Variants in PDE6D observed in about 807,000 individuals in gnomAD.
The protein encoded by PDE6D is phosphodiesterase 6D.
PDE6D carries 10 observed loss-of-function variants against 21.9 expected under a neutral mutation model. The observed-to-expected ratio is 0.46, with a 90% CI of 0.28 to 0.78. The LOEUF (loss-of-function observed/expected upper bound fraction) is 0.78. Ranked by LOEUF, PDE6D falls within the 30% of genes least tolerant of loss-of-function variation. The pLI, the probability that PDE6D is intolerant of heterozygous loss-of-function variation, is 0.12. For missense variants in PDE6D, 139 were observed against 184.8 expected, an observed-to-expected ratio of 0.75 and a Z score of 1.44; for synonymous variants, 59 against 63.5, an observed-to-expected ratio of 0.93 and a Z score of 0.34.
Position 231,732,907 on chromosome 2 carries a change from C to T in PDE6D, c.*45G>A. The T allele has an allele frequency of 8.0e-7, 1 of 1,243,992 alleles. No individual in the cohort carries two copies. Among genetic ancestry groups the T allele is most frequent in the Non-Finnish European group, 1.2e-6 (1 of 848,728 alleles). The allele number at this position is 1,243,992 out of a possible 1,614,324, so 77.1% of individuals were successfully genotyped here. On this transcript the variant is annotated 3_prime_UTR_variant, in exon 5 of 5. Coordinates refer to ENST00000287600, the MANE Select transcript of PDE6D (RefSeq NM_002601.4). Reference sequence around the variant, plus strand: ...GGAAAAAAGTAAACAGTTTCCTCCTCCCTCCAAAAAACCCAAATTCTTGAA... The same window carrying T: ...GGAAAAAAGTAAACAGTTTCCTCCTTCCTCCAAAAAACCCAAATTCTTGAA...
chr2:231,755,919 T>TAA (rs1426452863), intron 1 of PDE6D, among the ~76,000 whole-genome samples: 10 of 129,650 alleles, frequency 7.7e-5, no homozygotes, highest in Non-Finnish European at 1.2e-4. Context: ...AAACTCCATC[T>TAA]CAAAAAAAAA....
At position 231,739,632 on chromosome 2, in the gene PDE6D, C is replaced by T. The variant is rs1559309962; in HGVS notation, c.51-444G>A. ...CTCTCAAATTGCTTTGTAGTGGCCC[C>T]CTCTGTTTTTTTTTTTTGAAACAGA... On this transcript the variant is annotated intron_variant, in intron 1 of 4. Transcript: ENST00000287600. This position sits in a 1 kb window ranked among gnomAD's most constrained non-coding sequence, Gnocchi z 4.2. 7.2e-6 allele frequency among the ~76,000 whole-genome samples: 1 copy of T among 138,902 alleles called. No individual in the cohort carries two copies. The highest frequency in any genetic ancestry group is 1.6e-5 in the Non-Finnish European group (1 of 64,374). The allele number at this position is 138,902 out of a possible 152,430, so 91.1% of individuals were successfully genotyped here.
intron 1 of PDE6D, among the ~76,000 whole-genome samples, chr2:231,776,321 C>G (rs1221533821): frequency 9.3e-5 from 5 of 54,052 alleles, no homozygotes; most frequent in Non-Finnish European, 1.8e-4. Flanking sequence ...GACTCCGTCT[C>G]AAAAAAAAAA....
At chr2:231,775,937 G>T (rs1189192674) in intron 1 of PDE6D, among the ~76,000 whole-genome samples, 1 of 152,104 alleles carries the variant, frequency 6.6e-6, no homozygotes, top group African/African-American at 2.4e-5. Context: ...ATGGAAGTCT[G>T]TCAGTTTCTT....
chr2:231,770,845 C>T (rs1044442487), intron 1 of PDE6D, among the ~76,000 whole-genome samples: 6 of 151,456 alleles, frequency 4.0e-5, no homozygotes, highest in Non-Finnish European at 7.4e-5. Context: ...CCCAGCTGCT[C>T]GGGAGACTGA....
chr2:231,763,505 G>A (rs2048947804), intron 1 of PDE6D, among the ~76,000 whole-genome samples: 1 of 151,982 alleles, frequency 6.6e-6, no homozygotes, highest in Non-Finnish European at 1.5e-5. Flanking sequence ...CCTGGTCTGT[G>A]AATCCATTTG....
chr2:231,774,423 T>G (rs890389259), intron 1 of PDE6D, among the ~76,000 whole-genome samples: 2 of 152,040 alleles, frequency 1.3e-5, no homozygotes, highest in African/African-American at 4.8e-5. Context: ...AGGCAGTAAG[T>G]CTAAACCTTG....
chr2:231,774,355 T>C (rs1413193254), intron 1 of PDE6D, among the ~76,000 whole-genome samples: 6 of 152,086 alleles, frequency 3.9e-5, no homozygotes, highest in Admixed American at 3.3e-4. Flanking sequence ...TCTGATAATA[T>C]GAGATACAGA....
rs1449992130 is a variant in PDE6D, at chr2:231,739,244, T to G, written c.51-56A>C. On this transcript the variant is annotated intron_variant, in intron 1 of 4. Coordinates refer to ENST00000287600, the MANE Select transcript of PDE6D (RefSeq NM_002601.4). This position sits in a 1 kb window ranked among gnomAD's most constrained non-coding sequence, Gnocchi z 4.2. ...CACTGAAAGTGACTCCCACTTTGTATTCTAGGTGTCTCATGTTTACTCCCA... is the reference window on the plus strand; with the variant it reads ...CACTGAAAGTGACTCCCACTTTGTAGTCTAGGTGTCTCATGTTTACTCCCA... The G allele has an allele frequency of 1.9e-6, 2 of 1,069,308 alleles. No homozygotes were observed. Among genetic ancestry groups the G allele is most frequent in the Middle Eastern group, 2.0e-4 (1 of 5,002 alleles). 66.2% of individuals were successfully genotyped at this position (1,069,308 alleles called of 1,614,324 possible).
At chr2:231,778,047 C>T (rs2106290441) in intron 1 of PDE6D, among the ~76,000 whole-genome samples, 1 of 152,314 alleles carries the variant, frequency 6.6e-6, no homozygotes, top group Admixed American at 6.5e-5. Flanking sequence ...GCAGGCAGAT[C>T]ATGAGGTCAG....
intron 1 of PDE6D, among the ~76,000 whole-genome samples, chr2:231,744,271 A>G (rs1308486918): frequency 2.0e-5 from 3 of 152,216 alleles, no homozygotes; most frequent in Admixed American, 6.5e-5. Context: ...AATGATAAAA[A>G]AGAAAGATGT....
intron 1 of PDE6D, among the ~76,000 whole-genome samples, chr2:231,740,157 C>G (rs2048735731): frequency 6.6e-6 from 1 of 152,038 alleles, no homozygotes; most frequent in Non-Finnish European, 1.5e-5. Flanking sequence ...ACTTATGAAG[C>G]TGGTTAACTG....
At chr2:231,765,051 A>T (rs1347329987) in intron 1 of PDE6D, among the ~76,000 whole-genome samples, 2 of 151,912 alleles carry the variant, frequency 1.3e-5, no homozygotes, top group African/African-American at 4.8e-5. Context: ...GCTTGAGCCC[A>T]GGAATCCAAG....
At chr2:231,738,592 G>A (rs2048722704) in intron 2 of PDE6D, among the ~76,000 whole-genome samples, 1 of 152,132 alleles carries the variant, frequency 6.6e-6, no homozygotes, top group African/African-American at 2.4e-5. Context: ...AGCACAAAAT[G>A]GGTTTTGGGA....
chr2:231,761,611 A>G (rs1284587017), intron 1 of PDE6D, among the ~76,000 whole-genome samples: 2 of 152,252 alleles, frequency 1.3e-5, no homozygotes, highest in East Asian at 1.9e-4. Flanking sequence ...GGCCAGGGAA[A>G]AGGTGAACAA....
Position 231,756,476 on chromosome 2 carries a change from G to A in PDE6D, c.51-17288C>T, listed in dbSNP as rs1340912646. 3.9e-5 allele frequency among the ~76,000 whole-genome samples: 6 copies of A among 152,138 alleles called. No homozygotes were observed. In the South Asian group the frequency reaches 6.2e-4, roughly 16 times the overall value. ...GTTAAAGACAGGGTCTCACTCCGTC[G>A]CCTAGGCTGGAGTGCAATGGCACAA... On this transcript the variant is annotated intron_variant, in intron 1 of 4. Coordinates refer to ENST00000287600, the MANE Select transcript of PDE6D (RefSeq NM_002601.4).
At chr2:231,753,368 C>CA (rs201808600) in intron 1 of PDE6D, among the ~76,000 whole-genome samples, 2,682 of 149,820 alleles carry the variant, frequency 0.018, 73 homozygotes, top group African/African-American at 0.061. Flanking sequence ...CTAAAAAATA[C>CA]AAAAAAAACC....
intron 1 of PDE6D, among the ~76,000 whole-genome samples, chr2:231,747,240 G>A (rs1250762131): frequency 6.6e-6 from 1 of 152,102 alleles, no homozygotes; most frequent in Non-Finnish European, 1.5e-5. Context: ...ACAGGCATGC[G>A]CCACCACACC....
At position 231,732,962 on chromosome 2, in the gene PDE6D, A is replaced by G; in HGVS notation, c.443T>C (p.Phe148Ser). Residue 148 changes from phenylalanine to serine, a missense_variant, in exon 5 of 5, where the codon TTC (phenylalanine) becomes TCC (serine). Physicochemically the swap from Phe to Ser is radical, Grantham distance 155. Coordinates refer to ENST00000287600, the MANE Select transcript of PDE6D (RefSeq NM_002601.4). ...ACACACATTCTTCTTTCAAACATAG[A>G]AAAGTCTCACTCTGGATGTGCTTAC... ...LLVSTSRVRL[F>S]YV The G allele has an allele frequency of 6.2e-7, 1 of 1,608,718 alleles. No individual in the cohort carries two copies. The highest frequency in any genetic ancestry group is 8.5e-7 in the Non-Finnish European group (1 of 1,175,314).
Sources: gnomAD v4.1 joint callset for allele counts (sites outside exome capture counted in the v4.1 genomes callset) on GRCh38, gnomAD v4.1.1 for gene constraint, Gnocchi (gnomAD v3.1) non-coding constraint, MANE v1.5 for transcripts, NCBI Gene and HGNC (gene_info 2026-07-23, HGNC 2026-07-21) for gene names.